Variants in FARP2 observed in about 807,000 individuals in gnomAD.
The protein encoded by FARP2 is FERM, ARH/RhoGEF and pleckstrin domain protein 2.
Under a neutral mutation model 130.5 loss-of-function variants are expected in FARP2, and 111 were observed. The ratio of observed to expected loss-of-function variants is 0.85; its 90% CI spans 0.73 to 1.00. FARP2 has a LOEUF of 1.00. Ranked by LOEUF, FARP2 falls within the 50% of genes least tolerant of loss-of-function variation. The pLI is 0.00. For missense variants in FARP2, 1,385 were observed against 1,346.3 expected, an observed-to-expected ratio of 1.03 and a Z score of -0.45; for synonymous variants, 504 against 516.9, an observed-to-expected ratio of 0.98 and a Z score of 0.34.
intron 8 of FARP2, among the ~76,000 whole-genome samples, chr2:241,427,127 C>G (rs1297007603): frequency 6.6e-6 from 1 of 152,042 alleles, no homozygotes; most frequent in Non-Finnish European, 1.5e-5. Flanking sequence ...GCCAGCTACT[C>G]AGGAGGCTGA....
intron 25 of FARP2, 41 bp downstream of exon 25, chr2:241,493,077 C>T: frequency 8.1e-7 from 1 of 1,231,052 alleles, no homozygotes; most frequent in Non-Finnish European, 1.2e-6. Context: ...GTGATGCTAG[C>T]AGACAGACAC....
intron 1 of FARP2, among the ~76,000 whole-genome samples, chr2:241,371,234 G>A (rs1448880243): frequency 6.6e-6 from 1 of 152,206 alleles, no homozygotes; most frequent in Non-Finnish European, 1.5e-5. Flanking sequence ...TGTAATCCCA[G>A]CACTTTGGGA....
At chr2:241,438,046 T>A (rs1166008393) in intron 12 of FARP2, among the ~76,000 whole-genome samples, 4 of 152,192 alleles carry the variant, frequency 2.6e-5, no homozygotes, top group Non-Finnish European at 5.9e-5. Flanking sequence ...TGGCCTCAAG[T>A]GATACGCCTG....
Position 241,493,416 on chromosome 2 carries a change from C to T in FARP2, c.3019C>T (p.Arg1007Trp), listed in dbSNP as rs182405145. 24 of 1,613,918 alleles carry T rather than the reference C, an allele frequency of 1.5e-5. No individual in the cohort carries two copies. The highest frequency in any genetic ancestry group is 1.1e-4 in the East Asian group (5 of 44,888). Residue 1007 changes from arginine to tryptophan, a missense_variant, in exon 26 of 27, where the codon CGG becomes TGG. Physicochemically the swap from Arg to Trp is moderately radical, Grantham distance 101 (BLOSUM62 -3). Coordinates refer to ENST00000264042, the MANE Select transcript of FARP2 (RefSeq NM_014808.4). ...LQFKSHVYFFRAESKYTFERW... is the reference protein window; with the variant it reads ...LQFKSHVYFFWAESKYTFERW... The stretch of plus-strand genomic sequence containing the variant: ...GTTCAAATCCCACGTCTACTTCTTC[C>T]GGGCTGAGAGCAAGTACACATTTGA...
intron 1 of FARP2, among the ~76,000 whole-genome samples, chr2:241,357,669 C>T (rs2061099469): frequency 6.6e-6 from 1 of 152,194 alleles, no homozygotes; most frequent in African/African-American, 2.4e-5. Context: ...CTGTACTTCT[C>T]ATGTGCCCTA....
chr2:241,373,005 A>G, intron 1 of FARP2, 79 bp from the exon 2 acceptor site: 2 of 712,170 alleles, frequency 2.8e-6, no homozygotes, highest in Non-Finnish European at 4.1e-6. Context: ...CGTGTCTCCG[A>G]TAATTTGTCT....
rs375181865 is a variant in FARP2 at position 241,453,443 on chromosome 2, A to C, written c.1412-3304A>C. Among the ~76,000 whole-genome samples, 42 of 151,620 alleles carry C rather than the reference A, an allele frequency of 2.8e-4. No homozygotes were observed. In the South Asian group the frequency reaches 7.5e-3, roughly 27 times the overall value. ...CGAGACCATCCTGGCTAACATGGTG[A>C]AACCCCGTCTCTACTAAAAATACAA... On this transcript the variant is annotated intron_variant, in intron 13 of 26. Coordinates refer to ENST00000264042, the MANE Select transcript of FARP2 (RefSeq NM_014808.4).
chr2:241,480,247 C>T (rs1054605268), intron 19 of FARP2, among the ~76,000 whole-genome samples: 94 of 152,220 alleles, frequency 6.2e-4, no homozygotes, highest in Non-Finnish European at 1.2e-3. Context: ...TTGCCTAGGC[C>T]TCATCTTCTT....
At chr2:241,374,995 G>A (rs2061502245) in intron 2 of FARP2, among the ~76,000 whole-genome samples, 1 of 152,168 alleles carries the variant, frequency 6.6e-6, no homozygotes, top group Non-Finnish European at 1.5e-5. Flanking sequence ...CACCCAGGCT[G>A]GAGTGCCACG....
chr2:241,456,758 A>AAGAGTC lies in FARP2; in HGVS notation c.1424_1429dup (p.Ser476_Pro477insGlnSer). 1 of 1,614,046 alleles carries AAGAGTC rather than the reference A, an allele frequency of 6.2e-7. No individual in the cohort carries two copies. The highest frequency in any genetic ancestry group is 8.5e-7 in the Non-Finnish European group (1 of 1,179,998). ...CCGTTCATTTCCAGGCCTTTCCACG[A>AAGAGTC]AGAGTCCTCAGCCTTCTCCCTCCAG... On this transcript the variant is annotated inframe_insertion, in exon 14 of 27. Coordinates refer to ENST00000264042, the MANE Select transcript of FARP2 (RefSeq NM_014808.4).
At chr2:241,359,270 A>AT (rs1559696735) in intron 1 of FARP2, among the ~76,000 whole-genome samples, 1 of 152,210 alleles carries the variant, frequency 6.6e-6, no homozygotes, top group Admixed American at 6.5e-5. Flanking sequence ...CCATTTTAAA[A>AT]TTCAAAAACA....
intron 19 of FARP2, among the ~76,000 whole-genome samples, chr2:241,477,671 CTG>C (rs1333287672): frequency 6.6e-6 from 1 of 152,228 alleles, no homozygotes. Context: ...TCCAAAGTGA[CTG>C]AACCATTTTT....
chr2:241,407,431 G>T, intron 4 of FARP2, 106 bp from the exon 5 acceptor site: 1 of 839,796 alleles, frequency 1.2e-6, no homozygotes, highest in Non-Finnish European at 2.0e-6. Flanking sequence ...AAGATTTGCT[G>T]TAACAGTCCA....
intron 19 of FARP2, among the ~76,000 whole-genome samples, chr2:241,477,605 T>C (rs2064507830): frequency 6.6e-6 from 1 of 152,370 alleles, no homozygotes; most frequent in East Asian, 1.9e-4. Context: ...ATATACCATA[T>C]ACAGGTTCAT....
chr2:241,402,810 G>A, intron 2 of FARP2, among the ~76,000 whole-genome samples: 1 of 115,560 alleles, frequency 8.7e-6, no homozygotes, highest in Admixed American at 9.8e-5. Flanking sequence ...TGGGACTACA[G>A]GTGCACGCCA....
rs544171503 is a variant in FARP2 at position 241,404,201 on chromosome 2, C to T, written c.288+269C>T. On this transcript the variant is annotated intron_variant, in intron 3 of 26. Coordinates refer to ENST00000264042, the MANE Select transcript of FARP2 (RefSeq NM_014808.4). ...AATACATCCTGTATGAAAATCATTT[C>T]GAAAGTGGACTTGTAGCAAACTTAA... Among the ~76,000 whole-genome samples the T allele has an allele frequency of 4.2e-4, 64 of 152,280 alleles. 1 individual carries two copies. In the South Asian group the frequency reaches 0.013, roughly 31 times the overall value.
intron 2 of FARP2, among the ~76,000 whole-genome samples, chr2:241,402,507 C>T (rs906082949): frequency 1.3e-5 from 2 of 151,980 alleles, no homozygotes; most frequent in Non-Finnish European, 2.9e-5. Context: ...ATGTTTTTCA[C>T]TTTTATTTAA....
chr2:241,392,833 C>A lies in FARP2; in HGVS notation c.184-10995C>A, dbSNP rs561296003. On this transcript the variant is annotated intron_variant, in intron 2 of 26. Transcript: ENST00000264042. ...TGATGTATGCCTGTAATCCCAACTACTTAGGAGGCTGAGGCAGGAGAATCA... is the reference window on the plus strand; with the variant it reads ...TGATGTATGCCTGTAATCCCAACTAATTAGGAGGCTGAGGCAGGAGAATCA... 4.6e-5 allele frequency among the ~76,000 whole-genome samples: 7 copies of A among 151,670 alleles called. No individual in the cohort carries two copies. In the South Asian group the frequency reaches 1.5e-3, roughly 32 times the overall value.
chr2:241,484,039 C>T lies in FARP2; in HGVS notation c.2332-203C>T, dbSNP rs956388403. On this transcript the variant is annotated intron_variant, in intron 20 of 26. Transcript: ENST00000264042. ...CCAAGCTAGCTGGGAGCTGACCCAGCAGATGCACTGGTTCCTGTGGCCCTT... is the reference window on the plus strand; with the variant it reads ...CCAAGCTAGCTGGGAGCTGACCCAGTAGATGCACTGGTTCCTGTGGCCCTT... The T allele has an allele frequency of 2.2e-6, 3 of 1,368,118 alleles. No homozygotes were observed. The African/African-American group carries it at 4.4e-5, about 20-fold the overall frequency. 84.7% of individuals were successfully genotyped at this position (1,368,118 alleles called of 1,614,324 possible).
Sources: gnomAD v4.1 joint callset for allele counts (sites outside exome capture counted in the v4.1 genomes callset) on GRCh38, gnomAD v4.1.1 for gene constraint, MANE v1.5 for transcripts, NCBI Gene and HGNC (gene_info 2026-07-23, HGNC 2026-07-21) for gene names.